Variants in CMAS observed in about 807,000 individuals in gnomAD.
CMAS encodes cytidine monophosphate N-acetylneuraminic acid synthetase, also known as N-acylneuraminate cytidylyltransferase.
A neutral mutation model predicts 53.4 loss-of-function variants in CMAS; 21 were observed. That is an observed-to-expected ratio of 0.39 (90% CI 0.28 to 0.57). The LOEUF (loss-of-function observed/expected upper bound fraction) is 0.57, where lower values mean the gene tolerates loss of function less well. Ranked by LOEUF, CMAS falls within the 20% of genes least tolerant of loss-of-function variation. The pLI, the probability that CMAS is intolerant of heterozygous loss-of-function variation, is 0.56. For synonymous variants in CMAS, 189 were observed against 195.2 expected (o/e 0.97, Z 0.27); for missense variants, 384 against 534.9 (o/e 0.72, Z 2.78).
chr12:22,053,281 ACT>A (rs920694589), intron 1 of CMAS, among the ~76,000 whole-genome samples: 7 of 151,650 alleles, frequency 4.6e-5, no homozygotes, highest in African/African-American at 1.5e-4. Flanking sequence ...ACAGAGCAAG[ACT>A]CTGTCAAAAA....
rs1186626034 is a variant in CMAS, at chr12:22,060,872, G to T, written c.734G>T (p.Ser245Ile). 1.2e-6 allele frequency: 2 copies of T among 1,612,436 alleles called. No homozygotes were observed. The highest frequency in any genetic ancestry group is 1.7e-6 in the Non-Finnish European group (2 of 1,178,740). Residue 245 changes from serine (S) to isoleucine (I), a missense_variant, in exon 5 of 8, where the codon AGT (serine) becomes ATT (isoleucine). Ser to Ile is a moderately radical substitution (Grantham distance 142). Coordinates refer to ENST00000229329, the MANE Select transcript of CMAS (RefSeq NM_018686.6). ...TACTACGAAATGCGAGCTGAACATA[G>T]TGTGGATATAGATGTGGATATTGAT... ...MAYYEMRAEH[S>I]VDIDVDIDWP...
At chr12:22,062,551 C>CTCTT in intron 7 of CMAS, 117 bp downstream of exon 7, 3 of 1,048,758 alleles carry the variant, frequency 2.9e-6, no homozygotes, top group Non-Finnish European at 4.2e-6. Flanking sequence ...GAAATAGGAA[C>CTCTT]TCTTTTAACA....
At position 22,061,070 on chromosome 12, in the gene CMAS, A is replaced by G. The variant is rs1001710479; in HGVS notation, c.788+144A>G. ...GAAGACATGTAAAATATGTGTTTACATGGCTTCAATAAAGTGAGAAACATT... is the reference window on the plus strand; with the variant it reads ...GAAGACATGTAAAATATGTGTTTACGTGGCTTCAATAAAGTGAGAAACATT... On this transcript the variant is annotated intron_variant, in intron 5 of 7. Transcript: ENST00000229329. 1.6e-5 allele frequency: 11 copies of G among 684,374 alleles called. No individual in the cohort carries two copies. The Admixed American group carries it at 2.4e-4, about 15-fold the overall frequency. The allele number at this position is 684,374 out of a possible 1,614,324, so 42.4% of individuals were successfully genotyped here. A position where few individuals can be genotyped will look rare whatever the true frequency, so the allele number is the denominator to read the frequency against.
At chr12:22,053,431 A>G (rs941834783) in intron 1 of CMAS, among the ~76,000 whole-genome samples, 2 of 150,790 alleles carry the variant, frequency 1.3e-5, no homozygotes, top group South Asian at 2.1e-4. Flanking sequence ...CATTATATAT[A>G]CACGTTATAT....
At chr12:22,047,242 G>A (rs1232901685) in intron 1 of CMAS, among the ~76,000 whole-genome samples, 1 of 152,118 alleles carries the variant, frequency 6.6e-6, no homozygotes, top group African/African-American at 2.4e-5. Context: ...AACCTCGCCT[G>A]CCCTATGGAC....
chr12:22,048,845 T>C (rs569764084), intron 1 of CMAS, among the ~76,000 whole-genome samples: 1 of 152,284 alleles, frequency 6.6e-6, no homozygotes, highest in Non-Finnish European at 1.5e-5. Flanking sequence ...TTGTTTCTCT[T>C]CCAGATAAGC....
chr12:22,051,091 G>A (rs1008591711), intron 1 of CMAS, among the ~76,000 whole-genome samples: 2 of 152,100 alleles, frequency 1.3e-5, no homozygotes, highest in Non-Finnish European at 1.5e-5. Flanking sequence ...TCAAAACCAC[G>A]ATTTGACTTA....
intron 7 of CMAS, among the ~76,000 whole-genome samples, chr12:22,064,195 T>C (rs1950328520): frequency 6.6e-6 from 1 of 152,124 alleles, no homozygotes; most frequent in Non-Finnish European, 1.5e-5. Flanking sequence ...ATTGTACTAT[T>C]GTATGTGGTC....
intron 7 of CMAS, chr12:22,063,815 C>A (rs1242218315): frequency 6.6e-6 from 1 of 151,588 alleles, no homozygotes; most frequent in Non-Finnish European, 1.5e-5. Context: ...TCACAGCAGG[C>A]CAGGCATGAT....
At chr12:22,060,305 G>T (rs1396018983) in intron 4 of CMAS, among the ~76,000 whole-genome samples, 1 of 125,240 alleles carries the variant, frequency 8.0e-6, no homozygotes, top group Non-Finnish European at 1.6e-5. Context: ...AAATGTTAAG[G>T]TTATTTCTTT....
At chr12:22,048,992 T>G (rs1429352797) in intron 1 of CMAS, among the ~76,000 whole-genome samples, 1 of 152,196 alleles carries the variant, frequency 6.6e-6, no homozygotes, top group Admixed American at 6.5e-5. Context: ...CAATTCACAT[T>G]GGACTCTTTT....
intron 1 of CMAS, among the ~76,000 whole-genome samples, chr12:22,047,082 C>G (rs923453437): frequency 6.6e-6 from 1 of 152,156 alleles, no homozygotes; most frequent in Non-Finnish European, 1.5e-5. Flanking sequence ...TTTTCCTAAC[C>G]TTTGAAAAAT....
Position 22,046,290 on chromosome 12 carries a change from G to C in CMAS, c.-14G>C. On this transcript the variant is annotated 5_prime_UTR_variant, in exon 1 of 8. Coordinates refer to ENST00000229329, the MANE Select transcript of CMAS (RefSeq NM_018686.6). ...CCGGATGTGGAGAAGCTGGGGAGAA[G>C]GCGTGGGAGGAAGATGGACTCGGTG... 1.4e-6 allele frequency: 2 copies of C among 1,446,538 alleles called. No individual in the cohort carries two copies. The highest frequency in any genetic ancestry group is 1.8e-6 in the Non-Finnish European group (2 of 1,096,888). The allele number at this position is 1,446,538 out of a possible 1,614,324, so 89.6% of individuals were successfully genotyped here.
chr12:22,065,032 G>T, intron 7 of CMAS, 89 bp from the exon 8 acceptor site: 1 of 1,056,848 alleles, frequency 9.5e-7, no homozygotes. Context: ...GAAGTTGCCA[G>T]AGTTACCTGT....
At chr12:22,060,985 A>C (rs1013318627) in intron 5 of CMAS, 59 bp downstream of exon 5, 22 of 1,057,282 alleles carry the variant, frequency 2.1e-5, no homozygotes, top group Non-Finnish European at 3.2e-5. Context: ...ATATTTCTAG[A>C]TACTGATTTC....
At chr12:22,060,297 A>T (rs1399257610) in intron 4 of CMAS, among the ~76,000 whole-genome samples, 1 of 140,076 alleles carries the variant, frequency 7.1e-6, no homozygotes, top group East Asian at 2.4e-4. Flanking sequence ...AATTTGAAAA[A>T]TGTTAAGGTT....
Position 22,060,843 on chromosome 12 carries a change from G to C in CMAS, c.705G>C (p.Met235Ile). ...TATACTACCTTTAGGGTGGAAAAATGGCATACTACGAAATGCGAGCTGAAC... is the reference window on the plus strand; with the variant it reads ...TATACTACCTTTAGGGTGGAAAAATCGCATACTACGAAATGCGAGCTGAAC... ...IEMGYLQGGK[M>I]AYYEMRAEHS... Residue 235 changes from methionine (M) to isoleucine (I), a missense_variant, in exon 5 of 8, where the codon ATG becomes ATC. Around this residue, in one of 3 missense-constraint regions of CMAS, gnomAD observed 139 missense variants for 248.0 expected, o/e 0.56. Coordinates refer to ENST00000229329, the MANE Select transcript of CMAS (RefSeq NM_018686.6). The C allele has an allele frequency of 6.2e-7, 1 of 1,605,072 alleles. No homozygotes were observed. Among genetic ancestry groups the C allele is most frequent in the Non-Finnish European group, 8.5e-7 (1 of 1,172,436 alleles).
chr12:22,049,259 G>A (rs1474496066), intron 1 of CMAS, among the ~76,000 whole-genome samples: 1 of 152,130 alleles, frequency 6.6e-6, no homozygotes, highest in African/African-American at 2.4e-5. Context: ...CAGCGATGGA[G>A]CCCCCGCTGA....
intron 1 of CMAS, among the ~76,000 whole-genome samples, chr12:22,053,380 TGTATA>T (rs1010982398): frequency 1.9e-4 from 28 of 150,374 alleles, no homozygotes; most frequent in African/African-American, 6.7e-4. Context: ...TGTGTGTATA[TGTATA>T]CATATACACA....
Sources: allele counts gnomAD v4.1 joint callset (sites outside exome capture counted in the v4.1 genomes callset), GRCh38; gene constraint gnomAD v4.1.1; regional missense constraint gnomAD v4.1.1; transcripts MANE v1.5; gene names NCBI Gene and HGNC (gene_info 2026-07-23, HGNC 2026-07-21).